GRID2: variants seen among roughly 807,000 people sequenced by gnomAD.
The protein encoded by GRID2 is glutamate receptor ionotropic, delta-2.
GRID2 carries 33 observed loss-of-function variants against 114.8 expected under a neutral mutation model. The observed-to-expected ratio is 0.29, with a 90% CI of 0.22 to 0.38. The LOEUF (loss-of-function observed/expected upper bound fraction) is 0.38. GRID2 is among the 10% of genes least tolerant of loss of function. The probability of loss-of-function intolerance (pLI) is 1.00; values close to 1 mark genes in which losing one functional copy is unlikely to be tolerated. For synonymous variants in GRID2, 505 were observed against 449.9 expected (o/e 1.12, Z -1.55); for missense variants, 1,184 against 1,257.7 (o/e 0.94, Z 0.89).
intron 2 of GRID2, among the ~76,000 whole-genome samples, chr4:93,055,549 T>C (rs1241642290): frequency 6.6e-6 from 1 of 151,764 alleles, no homozygotes; most frequent in African/African-American, 2.4e-5. Context: ...CAAAAACATA[T>C]AAAAAATGAT....
chr4:93,694,534 AT>A (rs1385913694), intron 14 of GRID2, among the ~76,000 whole-genome samples: 1 of 152,162 alleles, frequency 6.6e-6, no homozygotes, highest in Non-Finnish European at 1.5e-5. Context: ...GCATTGACTT[AT>A]CACTTCTGTT....
intron 2 of GRID2, among the ~76,000 whole-genome samples, chr4:92,896,837 G>A (rs561054697): frequency 6.6e-6 from 1 of 152,218 alleles, no homozygotes; most frequent in South Asian, 2.1e-4. Flanking sequence ...CTGCCTCCCA[G>A]GTTCAAGCAA....
chr4:92,914,042 T>C (rs1263523821), intron 2 of GRID2, among the ~76,000 whole-genome samples: 4 of 152,166 alleles, frequency 2.6e-5, no homozygotes, highest in Non-Finnish European at 5.9e-5. Flanking sequence ...GTAGTTAATA[T>C]ACATGTGAAT....
At chr4:92,879,701 A>G (rs1402490560) in intron 2 of GRID2, among the ~76,000 whole-genome samples, 1 of 152,262 alleles carries the variant, frequency 6.6e-6, no homozygotes, top group Non-Finnish European at 1.5e-5. Flanking sequence ...TAATTTAAAA[A>G]TCTCAGTCAC....
intron 2 of GRID2, among the ~76,000 whole-genome samples, chr4:93,027,573 T>C (rs562371713): frequency 1.3e-5 from 2 of 152,254 alleles, no homozygotes; most frequent in East Asian, 3.9e-4. Context: ...TATTCAATAA[T>C]TCAAAGCACA....
chr4:92,882,051 G>T (rs936620681), intron 2 of GRID2, among the ~76,000 whole-genome samples: 5 of 152,112 alleles, frequency 3.3e-5, no homozygotes, highest in African/African-American at 7.2e-5. Context: ...GGCAGATTAT[G>T]GCTCAGGAAT....
At chr4:93,791,208 A>T (rs533316213) in intron 1 of GRID2, among the ~76,000 whole-genome samples, 8 of 151,814 alleles carry the variant, frequency 5.3e-5, no homozygotes, top group Admixed American at 2.0e-4. Flanking sequence ...AATATAAAAT[A>T]AAAAAAAACC....
At position 92,329,109 on chromosome 4, in the gene GRID2, T is replaced by C. The variant is rs576201123; in HGVS notation, c.88+24365T>C. Among the ~76,000 whole-genome samples, 4 of 152,200 alleles carry C rather than the reference T, an allele frequency of 2.6e-5. No homozygotes were observed. The South Asian group carries it at 8.3e-4, about 32-fold the overall frequency. ...TACTTCATAATAGTCATTTTTTCCATGTCTAGCTTTCACTATTCAAGATTA... is the reference window on the plus strand; with the variant it reads ...TACTTCATAATAGTCATTTTTTCCACGTCTAGCTTTCACTATTCAAGATTA... On this transcript the variant is annotated intron_variant, in intron 1 of 15. Coordinates refer to ENST00000282020, the MANE Select transcript of GRID2 (RefSeq NM_001510.4).
At chr4:92,943,576 A>C (rs1560728375) in intron 2 of GRID2, among the ~76,000 whole-genome samples, 1 of 151,694 alleles carries the variant, frequency 6.6e-6, no homozygotes, top group Non-Finnish European at 1.5e-5. Flanking sequence ...TCTTCTCTCA[A>C]CTCGTCAAAG....
At chr4:92,602,023 G>A (rs1209638267) in intron 2 of GRID2, among the ~76,000 whole-genome samples, 2 of 151,732 alleles carry the variant, frequency 1.3e-5, no homozygotes, top group East Asian at 3.9e-4. Context: ...GTCATAAATA[G>A]CCTCTCAAGG....
chr4:93,260,817 T>C (rs867083572), intron 8 of GRID2, among the ~76,000 whole-genome samples: 4 of 151,854 alleles, frequency 2.6e-5, no homozygotes, highest in Non-Finnish European at 4.4e-5. Flanking sequence ...ATCATCTAAC[T>C]ATAAAGTTGT....
At chr4:92,814,732 A>C (rs922845489) in intron 2 of GRID2, among the ~76,000 whole-genome samples, 1 of 152,142 alleles carries the variant, frequency 6.6e-6, no homozygotes, top group Non-Finnish European at 1.5e-5. Flanking sequence ...AAGCAACTTA[A>C]GGGGGTGTGG....
chr4:93,283,182 T>G (rs1041533647), intron 8 of GRID2, among the ~76,000 whole-genome samples: 3 of 152,058 alleles, frequency 2.0e-5, no homozygotes, highest in African/African-American at 7.2e-5. Flanking sequence ...TCGCAAAGCA[T>G]TTTTGAAATT....
intron 12 of GRID2, among the ~76,000 whole-genome samples, chr4:93,492,110 A>T (rs181959810): frequency 5.1e-4 from 78 of 151,986 alleles, no homozygotes; most frequent in African/African-American, 1.8e-3. Context: ...TGGAAAGCTT[A>T]TACTGGTGAC....
intron 2 of GRID2, among the ~76,000 whole-genome samples, chr4:92,884,119 G>A (rs1746205706): frequency 6.6e-6 from 1 of 152,168 alleles, no homozygotes; most frequent in Non-Finnish European, 1.5e-5. Flanking sequence ...ATAATTTACT[G>A]CAGCTTCTAC....
chr4:92,705,081 G>A (rs938994215), intron 2 of GRID2, among the ~76,000 whole-genome samples: 4 of 151,862 alleles, frequency 2.6e-5, no homozygotes, highest in African/African-American at 9.7e-5. Context: ...AACATTTTAA[G>A]TTCTTCAGGA....
At chr4:92,470,908 A>C (rs908510511) in intron 1 of GRID2, among the ~76,000 whole-genome samples, 4 of 151,972 alleles carry the variant, frequency 2.6e-5, no homozygotes, top group Non-Finnish European at 5.9e-5. Flanking sequence ...GCTTCACAGG[A>C]ATGTTGTCTA....
intron 2 of GRID2, among the ~76,000 whole-genome samples, chr4:93,048,187 C>CA (rs1336188035): frequency 6.6e-6 from 1 of 151,994 alleles, no homozygotes; most frequent in Non-Finnish European, 1.5e-5. Flanking sequence ...GCTAGCAGCT[C>CA]ATGTCAGATT....
In GRID2 at chr4:92,893,284, A is replaced by G. The variant is rs144396790; in HGVS notation, c.245-191711A>G. On this transcript the variant is annotated intron_variant, in intron 2 of 15. Transcript: ENST00000282020. ...CACTGATGGAAATTAAAATGAATAT[A>G]TGCCTGAATGGATGAATAAATAAAG... is the stretch of plus-strand genomic sequence containing the variant. Among the ~76,000 whole-genome samples, 142 of 152,284 alleles carry G rather than the reference A, an allele frequency of 9.3e-4. 1 individual carries two copies. Among genetic ancestry groups the G allele is most frequent in the Non-Finnish European group, 1.6e-3 (110 of 68,018 alleles).
Sources: gnomAD v4.1 joint callset for allele counts (sites outside exome capture counted in the v4.1 genomes callset) on GRCh38, gnomAD v4.1.1 for gene constraint, MANE v1.5 for transcripts, NCBI Gene and HGNC (gene_info 2026-07-23, HGNC 2026-07-21) for gene names.